The following DYNC1I1 variants were observed in gnomAD, a reference collection of about 807,000 sequenced individuals.
DYNC1I1 encodes dynein cytoplasmic 1 intermediate chain 1, also known as cytoplasmic dynein 1 intermediate chain 1.
A neutral mutation model predicts 86.6 loss-of-function variants in DYNC1I1; 43 were observed. That is an observed-to-expected ratio of 0.50 (90% CI 0.39 to 0.64). The LOEUF (loss-of-function observed/expected upper bound fraction) is 0.64. Ranked by LOEUF, DYNC1I1 falls within the 30% of genes least tolerant of loss-of-function variation. The probability of loss-of-function intolerance (pLI) is 0.00; values close to 1 mark genes in which losing one functional copy is unlikely to be tolerated. For missense variants in DYNC1I1, 604 were observed against 788.8 expected (o/e 0.77, Z 2.81); for synonymous variants, 262 against 283.7 (o/e 0.92, Z 0.77).
chr7:96,097,408 C>T, intron 16 of DYNC1I1, 75 bp from the exon 17 acceptor site: 1 of 1,529,272 alleles, frequency 6.5e-7, no homozygotes, highest in Non-Finnish European at 9.0e-7. Context: ...GGCAAAGGGA[C>T]AGTCATTCAG....
intron 16 of DYNC1I1, among the ~76,000 whole-genome samples, chr7:96,104,426 C>G (rs530829527): frequency 6.6e-6 from 1 of 152,138 alleles, no homozygotes; most frequent in East Asian, 1.9e-4. Flanking sequence ...TTGTATCATA[C>G]TTTCTAGTAA....
chr7:95,966,250 G>A (rs1177916804), intron 6 of DYNC1I1, among the ~76,000 whole-genome samples: 1 of 152,196 alleles, frequency 6.6e-6, no homozygotes, highest in Non-Finnish European at 1.5e-5. Flanking sequence ...ATTGCAGCTT[G>A]ATTATTAATT....
At chr7:96,065,081 G>A (rs1287997378) in intron 14 of DYNC1I1, among the ~76,000 whole-genome samples, 1 of 152,168 alleles carries the variant, frequency 6.6e-6, no homozygotes, top group Non-Finnish European at 1.5e-5. Flanking sequence ...GAATCAGCGT[G>A]CACCCACATG....
chr7:95,895,233 C>T (rs944263903), intron 6 of DYNC1I1, among the ~76,000 whole-genome samples: 3 of 152,048 alleles, frequency 2.0e-5, no homozygotes, highest in Admixed American at 6.6e-5. Flanking sequence ...TGTCACAATC[C>T]GATGGAGTAT....
At chr7:95,787,456 C>A (rs192738886) in intron 1 of DYNC1I1, among the ~76,000 whole-genome samples, 1 of 152,030 alleles carries the variant, frequency 6.6e-6, no homozygotes, top group Admixed American at 6.5e-5. Flanking sequence ...ATTGAGGGCA[C>A]CAAAACAAAG....
At chr7:95,837,346 C>T (rs1372461898) in intron 5 of DYNC1I1, among the ~76,000 whole-genome samples, 1 of 152,138 alleles carries the variant, frequency 6.6e-6, no homozygotes, top group Non-Finnish European at 1.5e-5. Context: ...CAGCTGCGTA[C>T]TGGAAGAACC....
At chr7:96,038,464 T>C (rs1472216855) in intron 13 of DYNC1I1, among the ~76,000 whole-genome samples, 1 of 152,216 alleles carries the variant, frequency 6.6e-6, no homozygotes, top group Non-Finnish European at 1.5e-5. Context: ...AAGATATGTC[T>C]GTGTGTAATT....
chr7:95,989,506 C>T (rs772332889), intron 9 of DYNC1I1, among the ~76,000 whole-genome samples: 1 of 152,188 alleles, frequency 6.6e-6, no homozygotes, highest in Non-Finnish European at 1.5e-5. Context: ...GGGAATTACA[C>T]AGGAACCTTA....
chr7:95,904,786 G>A (rs577829871), intron 6 of DYNC1I1, among the ~76,000 whole-genome samples: 7 of 152,236 alleles, frequency 4.6e-5, no homozygotes, highest in African/African-American at 1.7e-4. Context: ...GAAAAGAATT[G>A]TCAGTTAAAG....
intron 6 of DYNC1I1, among the ~76,000 whole-genome samples, chr7:95,870,965 C>T (rs1247199924): frequency 6.6e-6 from 1 of 151,956 alleles, no homozygotes; most frequent in Non-Finnish European, 1.5e-5. Flanking sequence ...ATTCTGGGTT[C>T]CTTGTTGCTA....
chr7:95,892,392 G>A (rs1790765293), intron 6 of DYNC1I1, among the ~76,000 whole-genome samples: 2 of 150,150 alleles, frequency 1.3e-5, no homozygotes, highest in Non-Finnish European at 3.0e-5. Flanking sequence ...CTCACTGCAA[G>A]CTCCACCTCC....
At chr7:95,959,242 T>A (rs570347031) in intron 6 of DYNC1I1, among the ~76,000 whole-genome samples, 1 of 152,146 alleles carries the variant, frequency 6.6e-6, no homozygotes, top group Non-Finnish European at 1.5e-5. Flanking sequence ...CTTTGGGTTC[T>A]GAGCCTGAAG....
intron 5 of DYNC1I1, among the ~76,000 whole-genome samples, chr7:95,856,615 C>G (rs1789730623): frequency 6.6e-6 from 1 of 152,188 alleles, no homozygotes; most frequent in South Asian, 2.1e-4. Flanking sequence ...TTTAACAACT[C>G]TTCATTAGTC....
chr7:96,010,254 G>T (rs1027971155), intron 10 of DYNC1I1, among the ~76,000 whole-genome samples: 1 of 152,126 alleles, frequency 6.6e-6, no homozygotes, highest in African/African-American at 2.4e-5. Flanking sequence ...CCCAGCCGCC[G>T]CATTGTCACC....
intron 11 of DYNC1I1, among the ~76,000 whole-genome samples, chr7:96,031,068 C>CA (rs1436178043): frequency 6.6e-6 from 1 of 152,050 alleles, no homozygotes; most frequent in African/African-American, 2.4e-5. Flanking sequence ...ATATAATTGT[C>CA]AAAAAAGCAG....
intron 6 of DYNC1I1, among the ~76,000 whole-genome samples, chr7:95,936,089 T>G (rs1349374942): frequency 6.6e-6 from 1 of 152,008 alleles, no homozygotes; most frequent in East Asian, 1.9e-4. Context: ...CATAATACTC[T>G]CATCCAACTG....
intron 10 of DYNC1I1, among the ~76,000 whole-genome samples, chr7:96,005,137 G>T (rs1018935422): frequency 6.6e-6 from 1 of 152,080 alleles, no homozygotes; most frequent in African/African-American, 2.4e-5. Flanking sequence ...TATGGGATTC[G>T]ACAGCCAATT....
At chr7:95,773,852 C>T (rs1189353207) in intron 1 of DYNC1I1, among the ~76,000 whole-genome samples, 3 of 152,094 alleles carry the variant, frequency 2.0e-5, no homozygotes, top group Non-Finnish European at 4.4e-5. Flanking sequence ...TGTGTACATA[C>T]TTTAATTGTG....
intron 14 of DYNC1I1, among the ~76,000 whole-genome samples, chr7:96,041,221 TG>T (rs888104011): frequency 2.0e-5 from 3 of 152,214 alleles, no homozygotes; most frequent in African/African-American, 7.2e-5. Context: ...TTTAACTATA[TG>T]AAAAGATAAC....
Sources: gnomAD v4.1 joint callset for allele counts (sites outside exome capture counted in the v4.1 genomes callset) on GRCh38, gnomAD v4.1.1 for gene constraint, MANE v1.5 for transcripts, NCBI Gene and HGNC (gene_info 2026-07-23, HGNC 2026-07-21) for gene names.